The following ZBTB20 variants were observed in gnomAD, a reference collection of about 807,000 sequenced individuals.
The protein encoded by ZBTB20 is zinc finger and BTB domain-containing protein 20.
In ZBTB20, 9 loss-of-function variants were observed where a neutral mutation model predicts 56.9. The ratio of observed to expected loss-of-function variants is 0.16; its 90% CI spans 0.10 to 0.28. ZBTB20 has a LOEUF of 0.28. Among genes scored for constraint, ZBTB20 ranks in the 10% least tolerant of loss-of-function variants. The pLI is 1.00. For missense variants in ZBTB20, 655 were observed against 1,003.0 expected (o/e 0.65, Z 4.69); for synonymous variants, 417 against 420.7 (o/e 0.99, Z 0.11).
At chr3:114,827,005 G>GT (rs367816509) in intron 4 of ZBTB20, among the ~76,000 whole-genome samples, 3 of 151,642 alleles carry the variant, frequency 2.0e-5, no homozygotes, top group South Asian at 2.1e-4. Flanking sequence ...GTGCGTAAGG[G>GT]TTTTTTTCCC....
intron 2 of ZBTB20, among the ~76,000 whole-genome samples, chr3:115,064,015 C>CA (rs2108487701): frequency 6.6e-6 from 1 of 152,174 alleles, no homozygotes; most frequent in South Asian, 2.1e-4. Flanking sequence ...CTTTGCCCCC[C>CA]ACATTCCCAA....
At chr3:114,803,183 T>A (rs976368549) in intron 4 of ZBTB20, among the ~76,000 whole-genome samples, 1 of 151,298 alleles carries the variant, frequency 6.6e-6, no homozygotes, top group Admixed American at 6.6e-5. Flanking sequence ...AAATAACATC[T>A]TGTATCCTGT....
At chr3:114,859,409 G>A (rs964070943) in intron 4 of ZBTB20, among the ~76,000 whole-genome samples, 3 of 131,250 alleles carry the variant, frequency 2.3e-5, no homozygotes, top group Non-Finnish European at 4.8e-5. Context: ...TTCTTTTCTC[G>A]TGCTTCTCTC....
At chr3:114,540,978 A>T (rs1169378101) in intron 6 of ZBTB20, among the ~76,000 whole-genome samples, 1 of 152,070 alleles carries the variant, frequency 6.6e-6, no homozygotes, top group Non-Finnish European at 1.5e-5. Context: ...GAACCCTAGG[A>T]CTTTTTCCTG....
At chr3:114,431,986 G>A (rs1316944248) in intron 7 of ZBTB20, among the ~76,000 whole-genome samples, 1 of 152,068 alleles carries the variant, frequency 6.6e-6, no homozygotes, top group Non-Finnish European at 1.5e-5. Flanking sequence ...CCTTAACATG[G>A]GTTAGCTGAA....
At chr3:114,927,271 A>G (rs547298219) in intron 3 of ZBTB20, among the ~76,000 whole-genome samples, 5 of 152,290 alleles carry the variant, frequency 3.3e-5, no homozygotes, top group Admixed American at 3.3e-4. Flanking sequence ...TTTTGCTTCA[A>G]GTTGTCCTGC....
At chr3:114,401,479 T>C (rs1228884666) in intron 7 of ZBTB20, among the ~76,000 whole-genome samples, 1 of 152,134 alleles carries the variant, frequency 6.6e-6, no homozygotes, top group East Asian at 1.9e-4. Context: ...TCTTTTTTGT[T>C]TGACCAGAGA....
intron 6 of ZBTB20, chr3:114,658,350 A>T (rs1036181509): frequency 5.3e-5 from 8 of 152,210 alleles, no homozygotes; most frequent in African/African-American, 1.9e-4. Flanking sequence ...GCATTTGCTA[A>T]GTAGTTTATA....
At chr3:115,104,989 C>G (rs2083681254) in intron 1 of ZBTB20, among the ~76,000 whole-genome samples, 1 of 151,968 alleles carries the variant, frequency 6.6e-6, no homozygotes, top group South Asian at 2.1e-4. Context: ...TCTGTACCTC[C>G]CCATCGATTT....
At chr3:114,704,850 A>C (rs2108398084) in intron 5 of ZBTB20, among the ~76,000 whole-genome samples, 1 of 152,240 alleles carries the variant, frequency 6.6e-6, no homozygotes, top group South Asian at 2.1e-4. Context: ...GCTGAATTGA[A>C]AGGATGAAAA....
At chr3:114,611,129 T>G (rs1471380252) in intron 6 of ZBTB20, among the ~76,000 whole-genome samples, 1 of 152,154 alleles carries the variant, frequency 6.6e-6, no homozygotes. Flanking sequence ...TCTGGGATGG[T>G]TTTGAAATCT....
chr3:114,725,218 T>C (rs926776774), intron 5 of ZBTB20, among the ~76,000 whole-genome samples: 1 of 152,258 alleles, frequency 6.6e-6, no homozygotes, highest in Non-Finnish European at 1.5e-5. Flanking sequence ...AAAATGTTTA[T>C]AGAGTATATT....
At chr3:114,435,524 T>C (rs1559786173) in intron 7 of ZBTB20, among the ~76,000 whole-genome samples, 1 of 152,200 alleles carries the variant, frequency 6.6e-6, no homozygotes, top group Non-Finnish European at 1.5e-5. Context: ...CCTGTGCTCC[T>C]CACCATGCCT....
At chr3:114,811,183 T>C (rs1481851567) in intron 4 of ZBTB20, among the ~76,000 whole-genome samples, 1 of 152,226 alleles carries the variant, frequency 6.6e-6, no homozygotes, top group Non-Finnish European at 1.5e-5. Context: ...CAGGTCCAAA[T>C]ACTTACTTGG....
intron 5 of ZBTB20, among the ~76,000 whole-genome samples, chr3:114,790,492 A>G (rs1365134598): frequency 6.6e-5 from 10 of 152,284 alleles, no homozygotes; most frequent in Admixed American, 6.5e-4. Context: ...GATATAATTC[A>G]TTCTTTTCCT....
At chr3:114,373,922 A>G (rs911747252) in intron 10 of ZBTB20, among the ~76,000 whole-genome samples, 8 of 152,232 alleles carry the variant, frequency 5.3e-5, no homozygotes, top group African/African-American at 1.9e-4. Context: ...AAAGAGGGCC[A>G]ATTTAAAAAA....
chr3:114,814,353 CAA>C (rs1290028580), intron 4 of ZBTB20, among the ~76,000 whole-genome samples: 1 of 151,224 alleles, frequency 6.6e-6, no homozygotes, highest in Non-Finnish European at 1.5e-5. Context: ...CTTTTTGTAA[CAA>C]AGAGATATCT....
intron 2 of ZBTB20, among the ~76,000 whole-genome samples, chr3:115,032,180 C>T (rs145637073): frequency 5.5e-3 from 824 of 151,164 alleles, no homozygotes; most frequent in Non-Finnish European, 9.3e-3. Flanking sequence ...CATAACAGCA[C>T]GTATTTTATG....
At chr3:114,623,640 A>G (rs1452387692) in intron 6 of ZBTB20, among the ~76,000 whole-genome samples, 1 of 152,194 alleles carries the variant, frequency 6.6e-6, no homozygotes, top group Admixed American at 6.5e-5. Context: ...TACATCCACT[A>G]TAGATATTCT....
Sources: gnomAD v4.1 joint callset for allele counts (sites outside exome capture counted in the v4.1 genomes callset) on GRCh38, gnomAD v4.1.1 for gene constraint, MANE v1.5 for transcripts, NCBI Gene and HGNC (gene_info 2026-07-23, HGNC 2026-07-21) for gene names.